Variants in SHF observed in about 807,000 individuals in gnomAD.
The protein encoded by SHF is Src homology 2 domain containing F, also known as SH2 domain-containing adapter protein F.
Under a neutral mutation model 42.4 loss-of-function variants are expected in SHF, and 30 were observed. The ratio of observed to expected loss-of-function variants is 0.71; its 90% CI spans 0.53 to 0.96. SHF has a LOEUF of 0.96. Among genes scored for constraint, SHF ranks in the 40% least tolerant of loss-of-function variants. The pLI is 0.00. For synonymous variants in SHF, 264 were observed against 269.9 expected (o/e 0.98, Z 0.21); for missense variants, 598 against 634.0 (o/e 0.94, Z 0.61).
chr15:45,198,104 A>T (rs973037863), intron 2 of SHF, among the ~76,000 whole-genome samples: 2 of 151,898 alleles, frequency 1.3e-5, no homozygotes, highest in Non-Finnish European at 2.9e-5. Context: ...TTTTAAAATT[A>T]AAAAAACAAA....
Position 45,185,752 on chromosome 15 carries a change from G to A in SHF, c.498+1702C>T, listed in dbSNP as rs142260050. Among the ~76,000 whole-genome samples the A allele has an allele frequency of 3.7e-3, 565 of 152,358 alleles. 2 individuals are homozygous for A. The highest frequency in any genetic ancestry group is 0.013 in the African/African-American group (543 of 41,586). On this transcript the variant is annotated intron_variant, in intron 1 of 6. Transcript: ENST00000690270. ...AGTCTCTGCATAGAACTGTGTGGGT[G>A]CACCCCTTCCTTGGGGGTGTCTGGG... is the stretch of plus-strand genomic sequence containing the variant.
chr15:45,195,574 TA>T (rs932955098), intron 2 of SHF, among the ~76,000 whole-genome samples: 1 of 152,182 alleles, frequency 6.6e-6, no homozygotes, highest in African/African-American at 2.4e-5. Context: ...TCTATTTTTT[TA>T]AATAAATTTA....
In SHF at chr15:45,175,203, C is replaced by T. The variant is rs998149960; in HGVS notation, c.847+16G>A. 2 of 1,601,234 alleles carry T rather than the reference C, an allele frequency of 1.2e-6. No individual in the cohort carries two copies. The highest frequency in any genetic ancestry group is 8.5e-7 in the Non-Finnish European group (1 of 1,175,450). ...TCAGAGGCCCCAGCTGACCTGCCCT[C>T]TCCACCAGGACTCACCTGCAAAGGC... On this transcript the variant is annotated intron_variant, in intron 3 of 6. Coordinates refer to ENST00000690270, the MANE Select transcript of SHF (RefSeq NM_001394037.1).
intron 2 of SHF, among the ~76,000 whole-genome samples, chr15:45,193,849 A>C (rs572794752): frequency 2.6e-5 from 4 of 151,926 alleles, no homozygotes; most frequent in Admixed American, 1.3e-4. Flanking sequence ...GTGAAAGGTC[A>C]TTCCAAGTCA....
rs147509646 is a variant in SHF, at chr15:45,199,193, C to G, written c.-46-73G>C. On this transcript the variant is annotated intron_variant, in intron 1 of 7. Coordinates refer to the SHF transcript ENST00000290894. ...CATGTTCCCAACACCCACTTCCTTCCAGCCTCTCATACTCCCCTGACAGCC... is the reference window on the plus strand; with the variant it reads ...CATGTTCCCAACACCCACTTCCTTCGAGCCTCTCATACTCCCCTGACAGCC... The G allele has an allele frequency of 1.1e-4, 127 of 1,188,818 alleles. No homozygotes were observed. The African/African-American group carries it at 2.0e-3, about 18-fold the overall frequency. 73.6% of individuals were successfully genotyped at this position (1,188,818 alleles called of 1,614,324 possible).
At chr15:45,172,041 G>A (rs1372194141) in intron 5 of SHF, 39 bp from the exon 6 acceptor site, 2 of 1,613,820 alleles carry the variant, frequency 1.2e-6, no homozygotes, top group South Asian at 1.1e-5. Context: ...TCTCTGCTGG[G>A]TCCCTCGCTG....
chr15:45,198,997 CG>C lies in SHF; in HGVS notation c.77del (p.Pro26ArgfsTer13), dbSNP rs750690859. 6.2e-7 allele frequency: 1 copy of C among 1,611,810 alleles called. No homozygotes were observed. The highest frequency in any genetic ancestry group is 8.5e-7 in the Non-Finnish European group (1 of 1,178,878). Reference sequence around the variant, plus strand: ...TGGGGGATGCCCGTTTCCTATGCCCCGGAGACCCTTGCCGCGAACCCTCCAG... The same window carrying C: ...TGGGGGATGCCCGTTTCCTATGCCCCGAGACCCTTGCCGCGAACCCTCCAG... On this transcript the variant is annotated frameshift_variant, in exon 2 of 8. Coordinates refer to the SHF transcript ENST00000290894. LOFTEE classifies it high-confidence loss of function.
At chr15:45,179,585 C>T (rs1437046753) in intron 1 of SHF, among the ~76,000 whole-genome samples, 4 of 152,212 alleles carry the variant, frequency 2.6e-5, no homozygotes, top group African/African-American at 4.8e-5. Context: ...CAGGGCGGGG[C>T]GCAGCTGAGG....
In SHF at chr15:45,178,300, T is replaced by C. The variant is rs1205172530; in HGVS notation, c.505A>G (p.Ile169Val). 6.2e-7 allele frequency: 1 copy of C among 1,612,708 alleles called. No individual in the cohort carries two copies. The highest frequency in any genetic ancestry group is 1.7e-5 in the Admixed American group (1 of 59,726). ...GPPASSDRLAILEDYADPFDV... is the reference protein window; with the variant it reads ...GPPASSDRLAVLEDYADPFDV... ...AACGGGTCCGCATAGTCTTCTAGGA[T>C]AGCTAGCTGTGGGAGGAGAGTGAAG... is the stretch of plus-strand genomic sequence containing the variant. The change falls in exon 2 of 7, where the codon ATC (isoleucine) becomes GTC (valine). Residue 169 changes from isoleucine to valine, a missense_variant. Physicochemically the swap from Ile to Val is conservative, Grantham distance 29. Transcript: ENST00000690270.
chr15:45,188,453 C>T (rs919800636), upstream of SHF, among the ~76,000 whole-genome samples: 1 of 152,200 alleles, frequency 6.6e-6, no homozygotes, highest in African/African-American at 2.4e-5. Flanking sequence ...TGTCTGTAAG[C>T]CTCCTCCTCC....
chr15:45,186,569 A>G (rs1898413926), intron 1 of SHF, among the ~76,000 whole-genome samples: 1 of 152,212 alleles, frequency 6.6e-6, no homozygotes, highest in African/African-American at 2.4e-5. Context: ...GATAAGGCCA[A>G]CCCGAATCAG....
At chr15:45,182,690 A>C (rs982467314) in intron 1 of SHF, among the ~76,000 whole-genome samples, 1 of 152,218 alleles carries the variant, frequency 6.6e-6, no homozygotes, top group Admixed American at 6.5e-5. Flanking sequence ...CAGCAAAGAA[A>C]TCAGTCTACT....
intron 1 of SHF, among the ~76,000 whole-genome samples, chr15:45,184,835 G>A (rs1436256012): frequency 1.3e-5 from 2 of 152,234 alleles, no homozygotes; most frequent in Non-Finnish European, 1.5e-5. Flanking sequence ...CTGCCTGCCC[G>A]TTGCAGGGCG....
chr15:45,172,398 C>T (rs1897554848), intron 4 of SHF, 80 bp from the exon 5 acceptor site: 1 of 1,389,044 alleles, frequency 7.2e-7, no homozygotes. Context: ...AGTGCCCAAC[C>T]CCTACTTCTT....
chr15:45,189,108 G>C (rs1320131699), upstream of SHF, among the ~76,000 whole-genome samples: 1 of 150,788 alleles, frequency 6.6e-6, no homozygotes, highest in Non-Finnish European at 1.5e-5. Context: ...CAGGAGAATC[G>C]CTTGAACCCA....
intron 3 of SHF, among the ~76,000 whole-genome samples, chr15:45,173,956 G>C (rs962538596): frequency 6.6e-6 from 1 of 152,152 alleles, no homozygotes; most frequent in African/African-American, 2.4e-5. Context: ...CAAGCAGCAG[G>C]ATGCAGGGGC....
intron 6 of SHF, among the ~76,000 whole-genome samples, chr15:45,168,477 G>A (rs1246463255): frequency 6.6e-6 from 1 of 152,198 alleles, no homozygotes; most frequent in Non-Finnish European, 1.5e-5. Flanking sequence ...TCCAGCCTCT[G>A]TGGCCAGGGC....
At chr15:45,168,952 T>C (rs982861678) in intron 6 of SHF, among the ~76,000 whole-genome samples, 2 of 152,174 alleles carry the variant, frequency 1.3e-5, no homozygotes, top group Non-Finnish European at 2.9e-5. Context: ...TGAGAGGGCA[T>C]GGGAGTGAGA....
Position 45,187,780 on chromosome 15 carries a change from G to A in SHF, c.172C>T (p.Arg58Cys). ...AKWLREHLGF[R>C]GGGGGGGGSK... Reference sequence around the variant, plus strand: ...CCCCCTCCGCCGCCGCCCCCCCCGCGGAAGCCCAGGTGCTCCCGGAGCCAC... The same window carrying A: ...CCCCCTCCGCCGCCGCCCCCCCCGCAGAAGCCCAGGTGCTCCCGGAGCCAC... Residue 58 changes from arginine (R) to cysteine (C), a missense_variant, in exon 1 of 7, where the codon CGC becomes TGC. This residue lies in a region of SHF where 159 missense variants were observed against 109.3 expected (regional missense o/e 1.45). Coordinates refer to ENST00000690270, the MANE Select transcript of SHF (RefSeq NM_001394037.1). 1 of 838,866 alleles carries A rather than the reference G, an allele frequency of 1.2e-6. No individual in the cohort carries two copies. Among genetic ancestry groups the A allele is most frequent in the South Asian group, 5.9e-5 (1 of 16,988 alleles). The allele number at this position is 838,866 out of a possible 1,614,324, so 52.0% of individuals were successfully genotyped here.
Sources: gnomAD v4.1 joint callset for allele counts (sites outside exome capture counted in the v4.1 genomes callset) on GRCh38, gnomAD v4.1.1 for gene constraint, gnomAD v4.1.1 regional missense constraint, MANE v1.5 for transcripts, NCBI Gene and HGNC (gene_info 2026-07-23, HGNC 2026-07-21) for gene names.